The following MCTP1 variants were observed in gnomAD, a reference collection of about 807,000 sequenced individuals.
The protein encoded by MCTP1 is multiple C2 and transmembrane domain containing 1, also known as multiple C2 and transmembrane domain-containing protein 1.
Under a neutral mutation model 120.6 loss-of-function variants are expected in MCTP1, and 69 were observed. The ratio of observed to expected loss-of-function variants is 0.57; its 90% CI spans 0.47 to 0.70. The LOEUF (loss-of-function observed/expected upper bound fraction) is 0.70, where lower values mean the gene tolerates loss of function less well. Among genes scored for constraint, MCTP1 ranks in the 30% least tolerant of loss-of-function variants. The pLI, the probability that MCTP1 is intolerant of heterozygous loss-of-function variation, is 0.00. For synonymous variants in MCTP1, 529 were observed against 493.1 expected (o/e 1.07, Z -0.96); for missense variants, 1,203 against 1,248.8 (o/e 0.96, Z 0.55).
rs1758101393 is a variant in MCTP1 at position 95,258,272 on chromosome 5, A to G, written c.720+25584T>C. Reference sequence around the variant, plus strand: ...GTCATGTTGATAGTACGTACCCTCAATGTGATGTGATGAGAATGGCACTTT... The same window carrying G: ...GTCATGTTGATAGTACGTACCCTCAGTGTGATGTGATGAGAATGGCACTTT... On this transcript the variant is annotated intron_variant, in intron 1 of 22. Transcript: ENST00000515393. 3.3e-5 allele frequency among the ~76,000 whole-genome samples: 5 copies of G among 152,152 alleles called. No homozygotes were observed. The South Asian group carries it at 1.0e-3, about 32-fold the overall frequency.
intron 18 of MCTP1, chr5:94,792,966 CTGT>C (rs1779288323): frequency 6.6e-6 from 1 of 152,080 alleles, no homozygotes; most frequent in African/African-American, 2.4e-5. Context: ...TAAGTATGTC[CTGT>C]TGTTATCTGA....
chr5:95,009,766 G>T lies in MCTP1; in HGVS notation c.838+7601C>A, dbSNP rs979811776. On this transcript the variant is annotated intron_variant, in intron 2 of 22. Transcript: ENST00000515393. ...GCTGACTTTGAACTTATGTGTGTCA[G>T]ACTACCAAAGATCACGTACTTTCTA... is the stretch of plus-strand genomic sequence containing the variant. Among the ~76,000 whole-genome samples the T allele has an allele frequency of 5.3e-5, 8 of 152,114 alleles. No homozygotes were observed. In the South Asian group the frequency reaches 6.2e-4, roughly 12 times the overall value.
intron 15 of MCTP1, 41 bp from the exon 16 acceptor site, chr5:94,870,532 A>G: frequency 7.4e-7 from 1 of 1,342,828 alleles, no homozygotes; most frequent in Non-Finnish European, 1.1e-6. Flanking sequence ...TTAATATATT[A>G]CAAATGTTTA....
At chr5:95,193,672 T>C (rs1343981989) in intron 1 of MCTP1, among the ~76,000 whole-genome samples, 2 of 152,064 alleles carry the variant, frequency 1.3e-5, no homozygotes, top group East Asian at 3.9e-4. Context: ...AGCATACAAG[T>C]AGAGAATAAA....
intron 17 of MCTP1, chr5:94,826,563 C>T (rs1787112667): frequency 1.4e-6 from 1 of 726,972 alleles, no homozygotes; most frequent in Non-Finnish European, 2.5e-6. Context: ...TTCCTCCTTC[C>T]CTTTCAAAGC....
intron 1 of MCTP1, among the ~76,000 whole-genome samples, chr5:95,106,756 G>T (rs1278792684): frequency 1.3e-5 from 2 of 152,184 alleles, no homozygotes; most frequent in Non-Finnish European, 2.9e-5. Flanking sequence ...GATCTCTAAA[G>T]GTTAGCAGGC....
chr5:94,817,435 C>CAAACAAAA (rs1346886928), intron 17 of MCTP1, among the ~76,000 whole-genome samples: 2 of 151,222 alleles, frequency 1.3e-5, no homozygotes, highest in East Asian at 3.9e-4. Flanking sequence ...AACAAACAAA[C>CAAACAAAA]AAACAAACAA....
chr5:94,751,522 T>C (rs182709378), intron 19 of MCTP1, among the ~76,000 whole-genome samples: 2 of 152,214 alleles, frequency 1.3e-5, no homozygotes, highest in East Asian at 3.9e-4. Flanking sequence ...AGTTTATTAA[T>C]ATGTGCGAGG....
At chr5:94,965,703 A>C (rs1278083972) in intron 2 of MCTP1, among the ~76,000 whole-genome samples, 2 of 152,204 alleles carry the variant, frequency 1.3e-5, no homozygotes, top group Non-Finnish European at 2.9e-5. Context: ...GTGCACATTT[A>C]TTTCCCTTCC....
chr5:94,965,010 G>C (rs1396285245), intron 2 of MCTP1, among the ~76,000 whole-genome samples: 1 of 152,020 alleles, frequency 6.6e-6, no homozygotes. Context: ...ATAACTATTG[G>C]TCAAATTCTG....
chr5:95,275,436 C>A (rs1332011584), intron 1 of MCTP1, among the ~76,000 whole-genome samples: 1 of 152,134 alleles, frequency 6.6e-6, no homozygotes, highest in East Asian at 1.9e-4. Flanking sequence ...CCCACCAAAC[C>A]CTCTTGGCTC....
chr5:95,280,778 G>A (rs1238755812), intron 1 of MCTP1, among the ~76,000 whole-genome samples: 1 of 152,122 alleles, frequency 6.6e-6, no homozygotes, highest in East Asian at 1.9e-4. Context: ...ATAGCAAGAG[G>A]ACCAGCAGGC....
rs192475194 is a variant in MCTP1, at chr5:95,267,333, A to T, written c.720+16523T>A. ...TTTTTTTATAATTTACAGTTGTAAC[A>T]TCTGGATCACTGAGCTTTATCTAAT... On this transcript the variant is annotated intron_variant, in intron 1 of 22. Transcript: ENST00000515393. Among the ~76,000 whole-genome samples, 3 of 152,308 alleles carry T rather than the reference A, an allele frequency of 2.0e-5. No homozygotes were observed. In the East Asian group the frequency reaches 5.8e-4, roughly 29 times the overall value.
rs1458887950 is a variant in MCTP1, at chr5:94,710,857, G to A, written c.2791C>T (p.Leu931=). The A allele has an allele frequency of 6.2e-7, 1 of 1,612,882 alleles. No homozygotes were observed. The highest frequency in any genetic ancestry group is 8.5e-7 in the Non-Finnish European group (1 of 1,179,326). Residue 931 remains leucine (L), a synonymous_variant, in exon 21 of 23, where the codon CTG becomes TTG. Coordinates refer to ENST00000515393, the MANE Select transcript of MCTP1 (RefSeq NM_024717.7). The part of the protein sequence containing the change: ...IVALCVFTAI[L]YCIPLRYIVL... ...ATGTATCTCAGCGGAATGCAGTACAGGATGGCTGTGAACACACAGAGGGCT... is the reference window on the plus strand; with the variant it reads ...ATGTATCTCAGCGGAATGCAGTACAAGATGGCTGTGAACACACAGAGGGCT...
At chr5:95,177,971 A>G (rs1277861375) in intron 1 of MCTP1, among the ~76,000 whole-genome samples, 2 of 152,176 alleles carry the variant, frequency 1.3e-5, no homozygotes, top group Non-Finnish European at 2.9e-5. Flanking sequence ...CTACAAATCA[A>G]ATTTCTGTAG....
intron 1 of MCTP1, among the ~76,000 whole-genome samples, chr5:95,118,271 A>C (rs1018624955): frequency 6.6e-6 from 1 of 152,200 alleles, no homozygotes; most frequent in Non-Finnish European, 1.5e-5. Flanking sequence ...AGTTTTTATT[A>C]GTTTTCTTTT....
chr5:95,147,676 G>A (rs1760522577), intron 1 of MCTP1, among the ~76,000 whole-genome samples: 1 of 152,216 alleles, frequency 6.6e-6, no homozygotes, highest in Non-Finnish European at 1.5e-5. Flanking sequence ...TGCTTTTTAA[G>A]TGGGGGGCTT....
At chr5:95,121,277 CAAAAAAAAAAAAAAAA>C (rs34423597) in intron 1 of MCTP1, among the ~76,000 whole-genome samples, 1 of 35,066 alleles carries the variant, frequency 2.9e-5, no homozygotes, top group Non-Finnish European at 4.5e-5. Context: ...GACTCCATCA[CAAAAAAAAAAAAAAAA>C]AAAAAAAAAA....
At chr5:94,896,926 C>T (rs1302254713) in intron 10 of MCTP1, among the ~76,000 whole-genome samples, 1 of 152,090 alleles carries the variant, frequency 6.6e-6, no homozygotes, top group Non-Finnish European at 1.5e-5. Flanking sequence ...TAGCAGAGCC[C>T]ACCTGAACCT....
Sources: gnomAD v4.1 joint callset for allele counts (sites outside exome capture counted in the v4.1 genomes callset) on GRCh38, gnomAD v4.1.1 for gene constraint, MANE v1.5 for transcripts, NCBI Gene and HGNC (gene_info 2026-07-23, HGNC 2026-07-21) for gene names.